The following RRP1B variants were observed in gnomAD, a reference collection of about 807,000 sequenced individuals.
RRP1B encodes the protein ribosomal RNA processing 1B, also known as ribosomal RNA processing protein 1 homolog B.
In RRP1B, 56 loss-of-function variants were observed where a neutral mutation model predicts 80.2. The ratio of observed to expected loss-of-function variants is 0.70; its 90% CI spans 0.56 to 0.87. RRP1B has a LOEUF of 0.87. RRP1B is among the 40% of genes least tolerant of loss of function. RRP1B has a pLI of 0.00. For synonymous variants in RRP1B, 351 were observed against 357.6 expected (o/e 0.98, Z 0.21); for missense variants, 807 against 939.8 (o/e 0.86, Z 1.85).
intron 7 of RRP1B, 48 bp downstream of exon 7, chr21:43,676,384 T>C (rs1309049081): frequency 7.0e-7 from 1 of 1,430,932 alleles, no homozygotes; most frequent in Non-Finnish European, 9.8e-7. Flanking sequence ...CATTTGCTCA[T>C]GGGAGTTACT....
In RRP1B at chr21:43,691,725, G is replaced by A. The variant is rs553102791; in HGVS notation, c.2083+223G>A. On this transcript the variant is annotated intron_variant, in intron 15 of 15. Coordinates refer to ENST00000340648, the MANE Select transcript of RRP1B (RefSeq NM_015056.3). The surrounding 1 kb of genome is among the most constrained non-coding windows in gnomAD (Gnocchi z 4.2). Reference sequence around the variant, plus strand: ...GAGATCTTGGCTCACTGCAACCTCCGCCCCCCCAGGTTCAAGCGATTCTCC... The same window carrying A: ...GAGATCTTGGCTCACTGCAACCTCCACCCCCCCAGGTTCAAGCGATTCTCC... Among the ~76,000 whole-genome samples the A allele has an allele frequency of 8.7e-4, 130 of 150,070 alleles. No individual in the cohort carries two copies. Among genetic ancestry groups the A allele is most frequent in the Admixed American group, 1.6e-3 (24 of 14,994 alleles).
chr21:43,676,446 G>A (rs2083022997), intron 7 of RRP1B, 110 bp downstream of exon 7: 2 of 844,300 alleles, frequency 2.4e-6, no homozygotes, highest in African/African-American at 3.4e-5. Context: ...TCACAGCAGA[G>A]AGCGGCTGGA....
chr21:43,664,948 C>T (rs935945474), intron 1 of RRP1B, among the ~76,000 whole-genome samples: 6 of 72,862 alleles, frequency 8.2e-5, no homozygotes, highest in African/African-American at 5.9e-4. Context: ...GTCCCTCCCA[C>T]CACGTGGGGA....
chr21:43,660,226 G>A (rs1051461740), intron 1 of RRP1B, among the ~76,000 whole-genome samples: 5 of 152,158 alleles, frequency 3.3e-5, no homozygotes, highest in African/African-American at 1.2e-4. Context: ...GAGGCAAACA[G>A]GCAAATAAAG....
chr21:43,665,017 A>C (rs2082973136), intron 1 of RRP1B, among the ~76,000 whole-genome samples: 1 of 152,222 alleles, frequency 6.6e-6, no homozygotes. Flanking sequence ...TTACTCACCC[A>C]GCCCACTTTG....
At chr21:43,676,228 AGG>A in intron 6 of RRP1B, 42 bp from the exon 7 acceptor site, 1 of 1,399,530 alleles carries the variant, frequency 7.1e-7, no homozygotes, top group Non-Finnish European at 1.0e-6. Flanking sequence ...CATGTCAAGA[AGG>A]GAAAGGCTCT....
chr21:43,674,585 C>CTTTT, intron 4 of RRP1B, 51 bp from the exon 5 acceptor site: 1 of 572,684 alleles, frequency 1.7e-6, no homozygotes. Flanking sequence ...TCTTACCTTT[C>CTTTT]CTTTTTTTTT....
intron 11 of RRP1B, 96 bp downstream of exon 11, chr21:43,685,885 G>C: frequency 7.0e-7 from 1 of 1,434,738 alleles, no homozygotes; most frequent in Non-Finnish European, 9.5e-7. Flanking sequence ...AAGATTGAAA[G>C]AACTTTACTG....
intron 8 of RRP1B, among the ~76,000 whole-genome samples, chr21:43,681,487 C>G (rs1463144260): frequency 6.6e-6 from 1 of 152,006 alleles, no homozygotes; most frequent in Non-Finnish European, 1.5e-5. Flanking sequence ...TCCCAAGTAG[C>G]TGGGATTACA....
rs202044263 is a variant in RRP1B, at chr21:43,687,492, G to A, written c.1142-24G>A. The A allele has an allele frequency of 1.2e-3, 1,819 of 1,471,266 alleles. 3 individuals carry two copies. Among genetic ancestry groups the A allele is most frequent in the South Asian group, 1.8e-3 (123 of 66,850 alleles). 91.1% of individuals were successfully genotyped at this position (1,471,266 alleles called of 1,614,324 possible). A position where few individuals can be genotyped will look rare whatever the true frequency, so the allele number is the denominator to read the frequency against. Reference sequence around the variant, plus strand: ...CTGGCCCAGCTGGCACTGGGTGCTTGTTGATGGGTTTCTGTCTTTTTAGGA... The same window carrying A: ...CTGGCCCAGCTGGCACTGGGTGCTTATTGATGGGTTTCTGTCTTTTTAGGA... On this transcript the variant is annotated intron_variant, in intron 12 of 15. Coordinates refer to ENST00000340648, the MANE Select transcript of RRP1B (RefSeq NM_015056.3).
chr21:43,660,922 C>T (rs963272841), intron 1 of RRP1B, among the ~76,000 whole-genome samples: 1 of 151,810 alleles, frequency 6.6e-6, no homozygotes, highest in African/African-American at 2.4e-5. Context: ...TTGAGTGAGC[C>T]CATACAATAT....
Position 43,691,631 on chromosome 21 carries a change from A to ATT in RRP1B, c.2083+133_2083+134dup, listed in dbSNP as rs372658379. 67 of 399,060 alleles carry ATT rather than the reference A, an allele frequency of 1.7e-4. No individual in the cohort carries two copies. The highest frequency in any genetic ancestry group is 6.5e-4 in the Middle Eastern group (1 of 1,538). 24.7% of individuals were successfully genotyped at this position (399,060 alleles called of 1,614,324 possible). On this transcript the variant is annotated intron_variant, in intron 15 of 15. Transcript: ENST00000340648. This position sits in a 1 kb window ranked among gnomAD's most constrained non-coding sequence, Gnocchi z 4.2. Reference sequence around the variant, plus strand: ...CTAGCTCCTCACTGCCCATTTCTTTATTTTTATTTTTTTTTTTTTTTTGAG... The same window carrying ATT: ...CTAGCTCCTCACTGCCCATTTCTTTATTTTTTTATTTTTTTTTTTTTTTTGAG...
chr21:43,689,066 C>T lies in RRP1B; in HGVS notation c.1866+826C>T, dbSNP rs562497067. Among the ~76,000 whole-genome samples, 3 of 152,374 alleles carry T rather than the reference C, an allele frequency of 2.0e-5. No homozygotes were observed. In the South Asian group the frequency reaches 6.2e-4, roughly 32 times the overall value. The stretch of plus-strand genomic sequence containing the variant: ...GCGGGATTACAGGCGAGAGCCCCCG[C>T]GCCTGGCCCTGATCCGCTTTTCACA... On this transcript the variant is annotated intron_variant, in intron 13 of 15. Transcript: ENST00000340648.
At position 43,688,720 on chromosome 21, in the gene RRP1B, C is replaced by G. The variant is rs114644817; in HGVS notation, c.1866+480C>G. Reference sequence around the variant, plus strand: ...CCCCCAGCTCAAGAAACTTCACTAGCAGGACCACTTATCTTCTTAATGGAA... The same window carrying G: ...CCCCCAGCTCAAGAAACTTCACTAGGAGGACCACTTATCTTCTTAATGGAA... On this transcript the variant is annotated intron_variant, in intron 13 of 15. Transcript: ENST00000340648. Among the ~76,000 whole-genome samples, 867 of 152,296 alleles carry G rather than the reference C, an allele frequency of 5.7e-3. 9 individuals are homozygous for G. The highest frequency in any genetic ancestry group is 0.02 in the African/African-American group (818 of 41,580).
At chr21:43,677,806 A>G (rs543617948) in intron 8 of RRP1B, among the ~76,000 whole-genome samples, 5 of 152,016 alleles carry the variant, frequency 3.3e-5, no homozygotes, top group Admixed American at 1.3e-4. Flanking sequence ...ATGGTCTCCA[A>G]CTCTAGCCAG....
rs1443929966 is a variant in RRP1B at position 43,673,564 on chromosome 21, G to C, written c.272-306G>C. ...CAGGAGAATCACTTGAACCCAGGAG[G>C]CAGAGGTTGCAATGAGCTGAGATCA... On this transcript the variant is annotated intron_variant, in intron 3 of 15. Transcript: ENST00000340648. 2.0e-5 allele frequency among the ~76,000 whole-genome samples: 3 copies of C among 150,574 alleles called. No homozygotes were observed. In the East Asian group the frequency reaches 5.8e-4, roughly 29 times the overall value.
At chr21:43,676,182 C>A in intron 6 of RRP1B, 90 bp from the exon 7 acceptor site, 1 of 966,994 alleles carries the variant, frequency 1.0e-6, no homozygotes, top group Non-Finnish European at 1.6e-6. Context: ...CTAACTCCAC[C>A]TTTGTAAAAG....
At chr21:43,690,508 G>A in intron 14 of RRP1B, 68 bp downstream of exon 14, 1 of 1,550,888 alleles carries the variant, frequency 6.4e-7, no homozygotes, top group Non-Finnish European at 8.8e-7. Context: ...TGAGCTGACA[G>A]TGCTTCCCAT....
chr21:43,679,230 C>CT (rs917598425), intron 8 of RRP1B, among the ~76,000 whole-genome samples: 227 of 141,868 alleles, frequency 1.6e-3, no homozygotes, highest in Middle Eastern at 7.5e-3. Context: ...TTTTGTGTGT[C>CT]TTTTTTTTTT....
Sources: gnomAD v4.1 joint callset for allele counts (sites outside exome capture counted in the v4.1 genomes callset) on GRCh38, gnomAD v4.1.1 for gene constraint, Gnocchi (gnomAD v3.1) non-coding constraint, MANE v1.5 for transcripts, NCBI Gene and HGNC (gene_info 2026-07-23, HGNC 2026-07-21) for gene names.